The following ZNF487 variants were observed in gnomAD, a reference collection of about 807,000 sequenced individuals.
ZNF487 encodes the protein KRAB domain only 1.
A neutral mutation model predicts 3.0 loss-of-function variants in ZNF487; 4 were observed. The observed-to-expected ratio is 1.35, with a 90% confidence interval of 0.66 to 3.08. The LOEUF is 3.08. Among genes scored for constraint, ZNF487 ranks in the 30% most tolerant of loss-of-function variants. ZNF487 has a pLI of 0.01. For synonymous variants in ZNF487, 55 were observed against 34.6 expected (o/e 1.59, Z -2.06); for missense variants, 146 against 98.7 (o/e 1.48, Z -2.03).
chr10:43,445,740 A>G (rs566189430), intron 1 of ZNF487, among the ~76,000 whole-genome samples: 2 of 151,688 alleles, frequency 1.3e-5, no homozygotes, highest in African/African-American at 4.8e-5. Flanking sequence ...GGGATTTGGC[A>G]GGGTCATAGG....
At chr10:43,480,566 C>T (rs1490364275) in intron 3 of ZNF487, among the ~76,000 whole-genome samples, 1 of 152,024 alleles carries the variant, frequency 6.6e-6, no homozygotes, top group Admixed American at 6.6e-5. Flanking sequence ...CAGATGCACA[C>T]CACCACACCT....
chr10:43,494,765 C>CAAAAAAAA, the ZNF487 span, among the ~76,000 whole-genome samples: 79 of 35,772 alleles, frequency 2.2e-3, no homozygotes, highest in African/African-American at 2.6e-3. Flanking sequence ...ACTAAAAATA[C>CAAAAAAAA]AAAAAAAAAA....
intron 1 of ZNF487, among the ~76,000 whole-genome samples, chr10:43,437,553 TGA>T (rs1006129187): frequency 9.9e-5 from 15 of 151,560 alleles, no homozygotes; most frequent in African/African-American, 3.6e-4. Context: ...CTAGGAGGCA[TGA>T]GAGGTCTACA....
At chr10:43,492,904 T>C in the ZNF487 span, among the ~76,000 whole-genome samples, 1 of 152,180 alleles carries the variant, frequency 6.6e-6, no homozygotes. Flanking sequence ...AGAATTTTAC[T>C]AATTTTAGTC....
intron 1 of ZNF487, among the ~76,000 whole-genome samples, chr10:43,460,250 A>T (rs1315060386): frequency 2.0e-5 from 3 of 152,116 alleles, no homozygotes; most frequent in Admixed American, 6.6e-5. Context: ...TGATTTTCAA[A>T]TGTTAAATCA....
the ZNF487 span, among the ~76,000 whole-genome samples, chr10:43,508,474 A>G: frequency 6.6e-6 from 1 of 152,174 alleles, no homozygotes; most frequent in Admixed American, 6.5e-5. Context: ...GGCACTTAAC[A>G]ACTTGGCTTA....
At chr10:43,450,785 T>C (rs567801292) in intron 1 of ZNF487, among the ~76,000 whole-genome samples, 1 of 152,270 alleles carries the variant, frequency 6.6e-6, no homozygotes, top group African/African-American at 2.4e-5. Flanking sequence ...CTGTGAAGTA[T>C]AAAATAACAG....
At chr10:43,463,499 C>T (rs1361471410) in intron 1 of ZNF487, among the ~76,000 whole-genome samples, 1 of 151,694 alleles carries the variant, frequency 6.6e-6, no homozygotes, top group Admixed American at 6.6e-5. Context: ...GATCATGCCA[C>T]TGCATTGCAG....
At chr10:43,458,029 A>AAACAAC (rs931595916) in intron 1 of ZNF487, 1 of 142,362 alleles carries the variant, frequency 7.0e-6, no homozygotes, top group Admixed American at 7.5e-5. Flanking sequence ...CTCAATAAAA[A>AAACAAC]AACAACAACA....
At chr10:43,476,689 T>C (rs1018743715) in intron 3 of ZNF487, among the ~76,000 whole-genome samples, 2 of 152,074 alleles carry the variant, frequency 1.3e-5, no homozygotes, top group South Asian at 2.1e-4. Context: ...CAGATTTGAA[T>C]TGTGTGTCAG....
chr10:43,473,460 A>G (rs745953170), intron 1 of ZNF487, among the ~76,000 whole-genome samples: 3 of 152,030 alleles, frequency 2.0e-5, no homozygotes, highest in Non-Finnish European at 4.4e-5. Context: ...TTCATAATAA[A>G]CAGTAATATC....
chr10:43,477,421 C>G (rs1415218462), intron 3 of ZNF487, among the ~76,000 whole-genome samples: 3 of 152,010 alleles, frequency 2.0e-5, no homozygotes, highest in African/African-American at 7.2e-5. Flanking sequence ...TCTCAAACTC[C>G]TGGCCTCAAG....
chr10:43,474,336 C>G (rs886681625), intron 1 of ZNF487, among the ~76,000 whole-genome samples: 1 of 151,652 alleles, frequency 6.6e-6, no homozygotes, highest in South Asian at 2.1e-4. Context: ...CCCCTGTAAC[C>G]CCAGCTACTC....
the ZNF487 span, among the ~76,000 whole-genome samples, chr10:43,507,217 C>G: frequency 6.6e-6 from 1 of 152,198 alleles, no homozygotes; most frequent in Non-Finnish European, 1.5e-5. Context: ...CAGGCCAGAT[C>G]TCTTTTGTTG....
chr10:43,510,652 A>C, the ZNF487 span, among the ~76,000 whole-genome samples: 111,041 of 151,606 alleles, frequency 0.73, 41,773 homozygotes, highest in East Asian at 0.93. Flanking sequence ...GGTTCAAGCA[A>C]TTCTCCTGCC....
chr10:43,480,418 TA>T (rs1588746899), intron 3 of ZNF487, among the ~76,000 whole-genome samples: 2 of 149,122 alleles, frequency 1.3e-5, no homozygotes, highest in African/African-American at 2.5e-5. Context: ...TTTTTATTAT[TA>T]TTTTTTTATT....
At chr10:43,442,056 T>C (rs1839631069) in intron 1 of ZNF487, among the ~76,000 whole-genome samples, 1 of 152,006 alleles carries the variant, frequency 6.6e-6, no homozygotes, top group African/African-American at 2.4e-5. Flanking sequence ...ACCCTGTCTG[T>C]ACGAAAAAAA....
intron 1 of ZNF487, among the ~76,000 whole-genome samples, chr10:43,465,038 G>C (rs1003754775): frequency 3.5e-5 from 4 of 113,324 alleles, no homozygotes; most frequent in Non-Finnish European, 7.6e-5. Context: ...CGGCTGGCCG[G>C]GCGGGGGGCT....
At chr10:43,467,438 C>T (rs1220449593) in intron 1 of ZNF487, among the ~76,000 whole-genome samples, 2 of 151,006 alleles carry the variant, frequency 1.3e-5, no homozygotes, top group African/African-American at 2.4e-5. Context: ...CTCCTGACCT[C>T]GTGATCTGCC....
Sources: allele counts gnomAD v4.1 joint callset (sites outside exome capture counted in the v4.1 genomes callset), GRCh38; gene constraint gnomAD v4.1.1; transcripts MANE v1.5; gene names NCBI Gene and HGNC (gene_info 2026-07-23, HGNC 2026-07-21).